The following DAB1 variants were observed in gnomAD, a reference collection of about 807,000 sequenced individuals.
DAB1 encodes disabled homolog 1.
Under a neutral mutation model 64.6 loss-of-function variants are expected in DAB1, and 15 were observed. The observed-to-expected ratio is 0.23, with a 90% CI of 0.16 to 0.36. The LOEUF is 0.36. DAB1 is among the 10% of genes least tolerant of loss of function. DAB1 has a pLI of 1.00. For synonymous variants in DAB1, 235 were observed against 251.9 expected (o/e 0.93, Z 0.64); for missense variants, 596 against 706.7 (o/e 0.84, Z 1.78).
rs187588100 is a variant in DAB1, at chr1:57,192,864, A to G, written c.68-47435T>C. ...CAATTCAGTGTTTCTTAGTATACTC[A>G]TAAGGTTGTACAACCACCATTGCAA... On this transcript the variant is annotated intron_variant, in intron 2 of 14. Coordinates refer to ENST00000371236, the MANE Select transcript of DAB1 (RefSeq NM_001365792.1). Among the ~76,000 whole-genome samples, 911 of 152,330 alleles carry G rather than the reference A, an allele frequency of 6.0e-3. 4 individuals are homozygous for G. The highest frequency in any genetic ancestry group is 0.011 in the Admixed American group (165 of 15,304).
chr1:58,313,683 GGGTGGCTTAA>G, intron 4 of DAB1, among the ~76,000 whole-genome samples: 1 of 152,238 alleles, frequency 6.6e-6, no homozygotes, highest in South Asian at 2.1e-4. Flanking sequence ...ACCATACCCT[GGGTGGCTTAA>G]GCAGCCGACA....
chr1:57,191,197 T>C (rs1664090780), intron 2 of DAB1, among the ~76,000 whole-genome samples: 2 of 152,180 alleles, frequency 1.3e-5, no homozygotes. Context: ...ATTAGGGACT[T>C]CATCCTGGCT....
At chr1:58,121,933 T>A (rs964235732) in intron 5 of DAB1, among the ~76,000 whole-genome samples, 2 of 152,192 alleles carry the variant, frequency 1.3e-5, no homozygotes, top group Non-Finnish European at 2.9e-5. Flanking sequence ...ACTATGCATA[T>A]CCCTGAGTTC....
chr1:57,658,131 T>A (rs1368125339), intron 6 of DAB1, among the ~76,000 whole-genome samples: 1 of 152,128 alleles, frequency 6.6e-6, no homozygotes, highest in East Asian at 1.9e-4. Context: ...TGGGGCCACC[T>A]TGGAGGAAAG....
intron 7 of DAB1, among the ~76,000 whole-genome samples, chr1:57,499,276 G>A (rs970117265): frequency 9.2e-5 from 14 of 152,132 alleles, no homozygotes; most frequent in Non-Finnish European, 1.9e-4. Flanking sequence ...ACCCAGCCAC[G>A]TTTATATGTT....
intron 5 of DAB1, among the ~76,000 whole-genome samples, chr1:58,131,118 T>G (rs1463830783): frequency 4.7e-4 from 69 of 145,658 alleles, no homozygotes; most frequent in African/African-American, 1.7e-3. Flanking sequence ...ATTTGGTCTT[T>G]TCACATAGTC....
At chr1:57,837,585 C>T (rs1422832049) in intron 1 of DAB1, among the ~76,000 whole-genome samples, 2 of 152,100 alleles carry the variant, frequency 1.3e-5, no homozygotes, top group South Asian at 4.1e-4. Flanking sequence ...TTCTGCCCTC[C>T]CCTCCCATAG....
At chr1:58,334,620 T>TCA (rs1663058856) in intron 4 of DAB1, among the ~76,000 whole-genome samples, 1 of 140,180 alleles carries the variant, frequency 7.1e-6, no homozygotes, top group African/African-American at 2.6e-5. Context: ...TTATATTATA[T>TCA]TATATTATAT....
At chr1:57,655,392 C>T (rs988985473) in intron 6 of DAB1, among the ~76,000 whole-genome samples, 2 of 152,128 alleles carry the variant, frequency 1.3e-5, no homozygotes, top group Non-Finnish European at 1.5e-5. Flanking sequence ...TCCATTCATC[C>T]TCCACTCTCC....
intron 4 of DAB1, among the ~76,000 whole-genome samples, chr1:57,084,687 T>C (rs1652878938): frequency 6.6e-6 from 1 of 152,212 alleles, no homozygotes; most frequent in Non-Finnish European, 1.5e-5. Context: ...AATGATCCCT[T>C]CCAGCTCTGC....
chr1:57,723,752 T>C (rs1647176026), intron 6 of DAB1, among the ~76,000 whole-genome samples: 1 of 152,212 alleles, frequency 6.6e-6, no homozygotes, highest in Admixed American at 6.5e-5. Context: ...TTCTGGAGGA[T>C]AAACCCACAT....
chr1:58,126,029 G>T (rs1283588445), intron 5 of DAB1, among the ~76,000 whole-genome samples: 2 of 151,866 alleles, frequency 1.3e-5, no homozygotes, highest in Non-Finnish European at 2.9e-5. Flanking sequence ...ACTAAACACT[G>T]GACTCCATTA....
At chr1:57,662,440 C>A (rs188141108) in intron 6 of DAB1, among the ~76,000 whole-genome samples, 1 of 152,326 alleles carries the variant, frequency 6.6e-6, no homozygotes, top group East Asian at 1.9e-4. Flanking sequence ...AGGTGATCCG[C>A]CCATCTCCAC....
intron 4 of DAB1, among the ~76,000 whole-genome samples, chr1:58,173,331 C>A (rs980638742): frequency 6.6e-6 from 1 of 152,070 alleles, no homozygotes; most frequent in Admixed American, 6.5e-5. Flanking sequence ...GCTGAGTTAC[C>A]CAAACAGCTC....
chr1:57,965,637 G>C (rs1309750748), intron 5 of DAB1, among the ~76,000 whole-genome samples: 2 of 152,116 alleles, frequency 1.3e-5, no homozygotes, highest in Non-Finnish European at 2.9e-5. Context: ...AAGGAATATA[G>C]CATCCACAGT....
chr1:57,832,390 G>T (rs1387034531), intron 1 of DAB1, among the ~76,000 whole-genome samples: 1 of 152,212 alleles, frequency 6.6e-6, no homozygotes, highest in African/African-American at 2.4e-5. Context: ...AATTTTAAGA[G>T]CATAAATGAG....
chr1:57,208,808 A>G (rs572630225), intron 2 of DAB1, among the ~76,000 whole-genome samples: 1 of 152,310 alleles, frequency 6.6e-6, no homozygotes, highest in African/African-American at 2.4e-5. Flanking sequence ...TTAAGAGCTA[A>G]AGACATGGCA....
At chr1:58,323,237 AAT>A (rs1662734789) in intron 4 of DAB1, among the ~76,000 whole-genome samples, 1 of 18,806 alleles carries the variant, frequency 5.3e-5, no homozygotes, top group African/African-American at 2.0e-4. Flanking sequence ...CTTAAAGTAT[AAT>A]AATAATAATA....
rs370768559 is a variant in DAB1 at position 57,048,799 on chromosome 1, A to T, written c.723+14085T>A. 2.6e-4 allele frequency among the ~76,000 whole-genome samples: 40 copies of T among 152,250 alleles called. No homozygotes were observed. In the South Asian group the frequency reaches 5.8e-3, roughly 22 times the overall value. On this transcript the variant is annotated intron_variant, in intron 9 of 14. Transcript: ENST00000371236. ...TAATTTTGGAAAAAGTTTGAAGGCTACTCTTCCAGAGGACCAGTGGCCTGC... is the reference window on the plus strand; with the variant it reads ...TAATTTTGGAAAAAGTTTGAAGGCTTCTCTTCCAGAGGACCAGTGGCCTGC...
Sources: allele counts gnomAD v4.1 joint callset (sites outside exome capture counted in the v4.1 genomes callset), GRCh38; gene constraint gnomAD v4.1.1; transcripts MANE v1.5; gene names NCBI Gene and HGNC (gene_info 2026-07-23, HGNC 2026-07-21).